The following CHCHD3 variants were observed in gnomAD, a reference collection of about 807,000 sequenced individuals.
CHCHD3 encodes the protein MICOS complex subunit MIC19.
CHCHD3 carries 20 observed loss-of-function variants against 38.2 expected under a neutral mutation model. The observed-to-expected ratio is 0.52, with a 90% CI of 0.37 to 0.76. The LOEUF (loss-of-function observed/expected upper bound fraction) is 0.76, where lower values mean the gene tolerates loss of function less well. CHCHD3 is among the 30% of genes least tolerant of loss of function. The pLI is 0.00. For missense variants in CHCHD3, 245 were observed against 279.2 expected, an observed-to-expected ratio of 0.88 and a Z score of 0.87; for synonymous variants, 82 against 100.0, an observed-to-expected ratio of 0.82 and a Z score of 1.07.
At chr7:132,833,905 C>T (rs905922872) in intron 6 of CHCHD3, among the ~76,000 whole-genome samples, 1 of 152,152 alleles carries the variant, frequency 6.6e-6, no homozygotes, top group African/African-American at 2.4e-5. Flanking sequence ...TGACACTGCA[C>T]TTTAAAAAGC....
At chr7:132,929,798 T>C (rs1810472871) in intron 4 of CHCHD3, among the ~76,000 whole-genome samples, 1 of 152,180 alleles carries the variant, frequency 6.6e-6, no homozygotes, top group African/African-American at 2.4e-5. Flanking sequence ...CAGGAAGCTT[T>C]CCTTTATGGT....
intron 2 of CHCHD3, among the ~76,000 whole-genome samples, chr7:133,069,822 T>TA (rs1444857077): frequency 2.0e-5 from 3 of 152,242 alleles, no homozygotes; most frequent in African/African-American, 7.2e-5. Flanking sequence ...ATTTTTTAAA[T>TA]AAATATTTAT....
At chr7:132,977,298 G>T (rs573976602) in intron 3 of CHCHD3, among the ~76,000 whole-genome samples, 1 of 152,300 alleles carries the variant, frequency 6.6e-6, no homozygotes, top group East Asian at 1.9e-4. Context: ...AAACTCTAGG[G>T]ATAGTGCCTA....
intron 1 of CHCHD3, among the ~76,000 whole-genome samples, chr7:133,081,071 G>A (rs1324679995): frequency 1.3e-5 from 2 of 152,106 alleles, no homozygotes; most frequent in African/African-American, 4.8e-5. Context: ...CAGGTTTTCA[G>A]TTTATGTATC....
intron 7 of CHCHD3, among the ~76,000 whole-genome samples, chr7:132,787,192 G>C (rs531500753): frequency 6.6e-6 from 1 of 152,194 alleles, no homozygotes; most frequent in South Asian, 2.1e-4. Flanking sequence ...AGAAAGGGTG[G>C]AAAGAGGGCC....
intron 6 of CHCHD3, among the ~76,000 whole-genome samples, chr7:132,827,905 A>T (rs1807547633): frequency 6.6e-6 from 1 of 152,196 alleles, no homozygotes; most frequent in African/African-American, 2.4e-5. Flanking sequence ...ATAAAGTAGA[A>T]AACTGCGCTT....
chr7:133,055,378 A>G (rs867085995), intron 2 of CHCHD3, among the ~76,000 whole-genome samples: 26 of 145,324 alleles, frequency 1.8e-4, no homozygotes, highest in Non-Finnish European at 3.4e-4. Flanking sequence ...ATAATTAATT[A>G]TAATTATGTT....
Position 132,985,846 on chromosome 7 carries a change from G to A in CHCHD3, c.252-10560C>T, listed in dbSNP as rs1464759618. Reference sequence around the variant, plus strand: ...AGGTGAGGGGCGCCTCTGCCCGGCCGCCCCTACTGGGAAGTGAGGAGCCCC... The same window carrying A: ...AGGTGAGGGGCGCCTCTGCCCGGCCACCCCTACTGGGAAGTGAGGAGCCCC... On this transcript the variant is annotated intron_variant, in intron 3 of 7. Coordinates refer to ENST00000262570, the MANE Select transcript of CHCHD3 (RefSeq NM_017812.4). Among the ~76,000 whole-genome samples the A allele has an allele frequency of 1.3e-4, 18 of 134,042 alleles. No individual in the cohort carries two copies. The South Asian group carries it at 3.2e-3, about 24-fold the overall frequency. 87.9% of individuals were successfully genotyped at this position (134,042 alleles called of 152,430 possible).
chr7:132,854,460 C>A (rs1213120705), intron 5 of CHCHD3, among the ~76,000 whole-genome samples: 3 of 152,066 alleles, frequency 2.0e-5, no homozygotes, highest in Non-Finnish European at 4.4e-5. Flanking sequence ...TTATGATTTT[C>A]CAAACTGTAC....
intron 2 of CHCHD3, among the ~76,000 whole-genome samples, chr7:133,056,531 T>C (rs1584676798): frequency 6.6e-6 from 1 of 152,294 alleles, no homozygotes; most frequent in Non-Finnish European, 1.5e-5. Flanking sequence ...CTCTGACCTA[T>C]TCATCTTTGA....
chr7:133,072,695 T>G (rs970539991), intron 1 of CHCHD3, among the ~76,000 whole-genome samples: 1 of 151,716 alleles, frequency 6.6e-6, no homozygotes, highest in African/African-American at 2.4e-5. Flanking sequence ...AAAAATTAGC[T>G]GGGCGTGGTG....
At chr7:133,033,366 C>G (rs1193209078) in intron 2 of CHCHD3, among the ~76,000 whole-genome samples, 1 of 152,088 alleles carries the variant, frequency 6.6e-6, no homozygotes, top group Non-Finnish European at 1.5e-5. Flanking sequence ...GAAACTACCC[C>G]CAGGCACTGC....
chr7:132,988,309 A>ACC (rs1166987142), intron 3 of CHCHD3, among the ~76,000 whole-genome samples: 1 of 151,788 alleles, frequency 6.6e-6, no homozygotes, highest in Non-Finnish European at 1.5e-5. Context: ...ACCCACACAC[A>ACC]CACACACCCA....
intron 3 of CHCHD3, among the ~76,000 whole-genome samples, chr7:132,977,900 C>G (rs1285304133): frequency 1.3e-5 from 2 of 151,904 alleles, no homozygotes; most frequent in Non-Finnish European, 2.9e-5. Context: ...GAAAAAGAAG[C>G]AAAACATGAG....
intron 6 of CHCHD3, among the ~76,000 whole-genome samples, chr7:132,803,445 A>G (rs1806838532): frequency 6.6e-6 from 1 of 152,214 alleles, no homozygotes; most frequent in Admixed American, 6.5e-5. Context: ...AAATATGTTC[A>G]TCATGAGCCA....
rs573641096 is a variant in CHCHD3, at chr7:132,818,512, T to C, written c.524+19887A>G. 4.6e-5 allele frequency among the ~76,000 whole-genome samples: 7 copies of C among 152,262 alleles called. No individual in the cohort carries two copies. The South Asian group carries it at 1.5e-3, about 32-fold the overall frequency. On this transcript the variant is annotated intron_variant, in intron 6 of 7. Transcript: ENST00000262570. ...TAATATAGACTGGTATAACAGACAATAGAAACCTCATGGGGGAAAGTGGGT... is the reference window on the plus strand; with the variant it reads ...TAATATAGACTGGTATAACAGACAACAGAAACCTCATGGGGGAAAGTGGGT...
chr7:132,976,690 G>A (rs144694552), intron 3 of CHCHD3, among the ~76,000 whole-genome samples: 111 of 152,148 alleles, frequency 7.3e-4, no homozygotes, highest in Middle Eastern at 3.4e-3. Flanking sequence ...TACTTTATAC[G>A]TGTGAATGAT....
At position 132,873,033 on chromosome 7, in the gene CHCHD3, T is replaced by G. The variant is rs567714052; in HGVS notation, c.453+12629A>C. On this transcript the variant is annotated intron_variant, in intron 5 of 7. Coordinates refer to ENST00000262570, the MANE Select transcript of CHCHD3 (RefSeq NM_017812.4). ...TGAACTGAGGAGATGGAGGTTGCAG[T>G]GAGCCGAGATCGCACCACTGCACTC... 1.3e-4 allele frequency among the ~76,000 whole-genome samples: 19 copies of G among 151,854 alleles called. 1 individual carries two copies. Among genetic ancestry groups the G allele is most frequent in the Middle Eastern group, 3.4e-3 (1 of 294 alleles).
At position 132,785,575 on chromosome 7, in the gene CHCHD3, G is replaced by A. The variant is rs1196861179; in HGVS notation, c.*62C>T. 9 of 1,561,808 alleles carry A rather than the reference G, an allele frequency of 5.8e-6. No homozygotes were observed. Among genetic ancestry groups the A allele is most frequent in the Non-Finnish European group, 7.9e-6 (9 of 1,134,054 alleles). ...CTTCAAATGGGTTGTTTTCTCACTA[G>A]GAAAAAAAATGTTCCATCTCTGGAA... On this transcript the variant is annotated 3_prime_UTR_variant, in exon 8 of 8. Coordinates refer to ENST00000262570, the MANE Select transcript of CHCHD3 (RefSeq NM_017812.4).
Sources: allele counts gnomAD v4.1 joint callset (sites outside exome capture counted in the v4.1 genomes callset), GRCh38; gene constraint gnomAD v4.1.1; transcripts MANE v1.5; gene names NCBI Gene and HGNC (gene_info 2026-07-23, HGNC 2026-07-21).